Variants in SAMTOR observed in about 807,000 individuals in gnomAD.
SAMTOR encodes S-adenosylmethionine sensor upstream of mTORC1.
chr7:112,876,465 A>T, the SAMTOR span, among the ~76,000 whole-genome samples: 11 of 152,212 alleles, frequency 7.2e-5, no homozygotes, highest in East Asian at 2.1e-3. Flanking sequence ...TCTCTACCCC[A>T]CAATATATCT....
At chr7:112,833,739 A>C in the SAMTOR span, among the ~76,000 whole-genome samples, 1 of 152,206 alleles carries the variant, frequency 6.6e-6, no homozygotes. Flanking sequence ...CCAATAACTT[A>C]ATCATATCAT....
At chr7:112,860,345 G>C in the SAMTOR span, among the ~76,000 whole-genome samples, 1 of 151,988 alleles carries the variant, frequency 6.6e-6, no homozygotes. Flanking sequence ...ATTCTGTTCT[G>C]TTCCTCTGGA....
chr7:112,894,544 G>A, the SAMTOR span, among the ~76,000 whole-genome samples: 12 of 152,148 alleles, frequency 7.9e-5, no homozygotes, highest in Non-Finnish European at 1.6e-4. Flanking sequence ...TGTTGCTGGG[G>A]AGGCCTCACA....
At chr7:112,835,459 A>G in the SAMTOR span, among the ~76,000 whole-genome samples, 1 of 152,110 alleles carries the variant, frequency 6.6e-6, no homozygotes, top group Non-Finnish European at 1.5e-5. Context: ...TAGGTTTTAG[A>G]TACTACCCTT....
chr7:112,847,859 C>G, the SAMTOR span, among the ~76,000 whole-genome samples: 32 of 152,240 alleles, frequency 2.1e-4, no homozygotes, highest in African/African-American at 7.5e-4. Flanking sequence ...GAGTATAGGC[C>G]AGGTGCTGTG....
chr7:112,930,215 G>A, the SAMTOR span, among the ~76,000 whole-genome samples: 1 of 152,040 alleles, frequency 6.6e-6, no homozygotes, highest in Admixed American at 6.6e-5. Flanking sequence ...ACCATTTCAA[G>A]GCATTAAAAC....
chr7:112,876,742 C>T, the SAMTOR span, among the ~76,000 whole-genome samples: 1 of 152,176 alleles, frequency 6.6e-6, no homozygotes, highest in Non-Finnish European at 1.5e-5. Context: ...TGCAGAAACA[C>T]AGGATGAATT....
the SAMTOR span, among the ~76,000 whole-genome samples, chr7:112,901,961 G>C: frequency 3.3e-5 from 5 of 152,096 alleles, no homozygotes; most frequent in African/African-American, 1.2e-4. Flanking sequence ...GCAGTATAAA[G>C]AAATGAGATA....
the SAMTOR span, among the ~76,000 whole-genome samples, chr7:112,850,070 G>A: frequency 6.6e-6 from 1 of 152,102 alleles, no homozygotes; most frequent in Non-Finnish European, 1.5e-5. Flanking sequence ...GCCGGGTGTG[G>A]TGGTGCATGC....
chr7:112,922,265 G>A, the SAMTOR span, among the ~76,000 whole-genome samples: 1 of 152,182 alleles, frequency 6.6e-6, no homozygotes. Flanking sequence ...GTGCTCAATG[G>A]TGCCCAGGCT....
chr7:112,918,828 A>G, the SAMTOR span, among the ~76,000 whole-genome samples: 1 of 152,230 alleles, frequency 6.6e-6, no homozygotes, highest in Non-Finnish European at 1.5e-5. Flanking sequence ...CTTTAAACCA[A>G]CAAAGATCAA....
At chr7:112,858,722 AG>A in the SAMTOR span, among the ~76,000 whole-genome samples, 1 of 152,310 alleles carries the variant, frequency 6.6e-6, no homozygotes, top group African/African-American at 2.4e-5. Flanking sequence ...CTATTTGTAC[AG>A]GGTGTCCACT....
the SAMTOR span, chr7:112,915,568 C>T: frequency 1.5e-6 from 1 of 646,950 alleles, no homozygotes; most frequent in Non-Finnish European, 2.3e-6. Context: ...AAAGTAAAAC[C>T]ATAAAATTTT....
At chr7:112,883,844 TTATG>T in the SAMTOR span, among the ~76,000 whole-genome samples, 1 of 152,232 alleles carries the variant, frequency 6.6e-6, no homozygotes. Context: ...TTGTTGTATT[TTATG>T]TATCCATTAG....
the SAMTOR span, among the ~76,000 whole-genome samples, chr7:112,843,206 T>C: frequency 6.6e-6 from 1 of 151,898 alleles, no homozygotes; most frequent in Non-Finnish European, 1.5e-5. Flanking sequence ...TAAAGACAGA[T>C]CCCTTTTCAA....
At chr7:112,931,385 T>C in the SAMTOR span, among the ~76,000 whole-genome samples, 9 of 152,238 alleles carry the variant, frequency 5.9e-5, no homozygotes, top group African/African-American at 1.9e-4. Flanking sequence ...GTGTATCTTC[T>C]GTTCTTGGAA....
At chr7:112,820,818 G>A in the SAMTOR span, 9 of 152,062 alleles carry the variant, frequency 5.9e-5, no homozygotes, top group East Asian at 5.8e-4. Flanking sequence ...CTTGTAGTGC[G>A]GCACCTCCTT....
chr7:112,917,877 G>A, the SAMTOR span, among the ~76,000 whole-genome samples: 31 of 151,986 alleles, frequency 2.0e-4, no homozygotes, highest in African/African-American at 6.0e-4. Context: ...ATGAAATGAA[G>A]CGAGAAGGGA....
chr7:112,931,916 A>T, the SAMTOR span, among the ~76,000 whole-genome samples: 1 of 150,712 alleles, frequency 6.6e-6, no homozygotes, highest in East Asian at 1.9e-4. Context: ...ACACAAAACT[A>T]TTACTTTTTT....
Sources: allele counts gnomAD v4.1 joint callset (sites outside exome capture counted in the v4.1 genomes callset), GRCh38; gene constraint gnomAD v4.1.1; transcripts MANE v1.5; gene names NCBI Gene and HGNC (gene_info 2026-07-23, HGNC 2026-07-21).